Variants in UNC5D observed in about 807,000 individuals in gnomAD.
UNC5D encodes the protein unc-5 netrin receptor D.
Under a neutral mutation model 105.4 loss-of-function variants are expected in UNC5D, and 39 were observed. That is an observed-to-expected ratio of 0.37 (90% CI 0.29 to 0.48). The LOEUF (loss-of-function observed/expected upper bound fraction) is 0.48. Among genes scored for constraint, UNC5D ranks in the 20% least tolerant of loss-of-function variants. The pLI is 0.98. For missense variants in UNC5D, 991 were observed against 1,202.4 expected (o/e 0.82, Z 2.60); for synonymous variants, 452 against 450.4 (o/e 1.00, Z -0.04).
chr8:35,248,299 A>G (rs62651826), intron 1 of UNC5D, among the ~76,000 whole-genome samples: 1,966 of 43,768 alleles, frequency 0.045, 845 homozygotes, highest in Middle Eastern at 0.1. Context: ...TGTTATATAA[A>G]ATATATAATA....
At chr8:35,425,441 C>A (rs772170844) in intron 1 of UNC5D, among the ~76,000 whole-genome samples, 6 of 152,150 alleles carry the variant, frequency 3.9e-5, no homozygotes, top group Non-Finnish European at 8.8e-5. Context: ...GTGGTAAATG[C>A]TGATGTGTAA....
At chr8:35,687,574 A>T (rs1279301414) in intron 7 of UNC5D, among the ~76,000 whole-genome samples, 4 of 151,942 alleles carry the variant, frequency 2.6e-5, no homozygotes. Context: ...TCTTGGCTTT[A>T]TTCCTGAGAT....
intron 1 of UNC5D, among the ~76,000 whole-genome samples, chr8:35,271,378 T>C (rs13260394): frequency 7.5e-6 from 1 of 132,778 alleles, no homozygotes; most frequent in African/African-American, 2.8e-5. Flanking sequence ...CGTGTGTATG[T>C]ATATGTACAC....
In UNC5D at chr8:35,501,396, G is replaced by A. The variant is rs1414688861; in HGVS notation, c.104-47896G>A. 3.9e-5 allele frequency among the ~76,000 whole-genome samples: 6 copies of A among 152,186 alleles called. No homozygotes were observed. The South Asian group carries it at 6.2e-4, about 16-fold the overall frequency. On this transcript the variant is annotated intron_variant, in intron 1 of 16. Coordinates refer to ENST00000404895, the MANE Select transcript of UNC5D (RefSeq NM_080872.4). ...TTTCTATACTTGAAGGCATAAGGCC[G>A]GGGAAAGAAAGCTTTCAAATTCAGA...
chr8:35,400,021 G>C (rs186882115), intron 1 of UNC5D, among the ~76,000 whole-genome samples: 195 of 152,228 alleles, frequency 1.3e-3, no homozygotes, highest in Admixed American at 1.3e-3. Context: ...GAGTATTAAG[G>C]ATATGATGCC....
At chr8:35,656,533 C>T (rs529058283) in intron 4 of UNC5D, among the ~76,000 whole-genome samples, 6 of 152,328 alleles carry the variant, frequency 3.9e-5, no homozygotes, top group African/African-American at 1.4e-4. Flanking sequence ...ATTGAACATA[C>T]TATCTATCTT....
intron 1 of UNC5D, among the ~76,000 whole-genome samples, chr8:35,457,142 TA>T (rs1291667607): frequency 2.0e-5 from 3 of 152,232 alleles, no homozygotes; most frequent in African/African-American, 4.8e-5. Flanking sequence ...AAATAGCCTG[TA>T]AAATGACTGG....
chr8:35,761,952 G>A (rs1801557851), intron 14 of UNC5D, among the ~76,000 whole-genome samples: 1 of 152,160 alleles, frequency 6.6e-6, no homozygotes, highest in African/African-American at 2.4e-5. Context: ...AGGGCTTAGT[G>A]GTTAGGAACT....
chr8:35,578,247 A>G (rs962465932), intron 3 of UNC5D, among the ~76,000 whole-genome samples: 1 of 142,686 alleles, frequency 7.0e-6, no homozygotes, highest in Non-Finnish European at 1.5e-5. Context: ...AAAAAAAGAA[A>G]GAAAAAAGAA....
intron 1 of UNC5D, among the ~76,000 whole-genome samples, chr8:35,242,030 G>T (rs988616692): frequency 1.3e-5 from 2 of 152,142 alleles, no homozygotes; most frequent in Non-Finnish European, 2.9e-5. Context: ...TGTCTTCCAA[G>T]AGAGGTCAAT....
At chr8:35,510,310 C>CA (rs11317897) in intron 1 of UNC5D, among the ~76,000 whole-genome samples, 1,448 of 71,070 alleles carry the variant, frequency 0.02, 6 homozygotes, top group East Asian at 0.051. Context: ...TTTTTATATC[C>CA]AAAAAAAAAA....
intron 5 of UNC5D, 33 bp from the exon 6 acceptor site, chr8:35,684,549 T>A (rs1458552687): frequency 1.3e-6 from 2 of 1,598,504 alleles, no homozygotes; most frequent in African/African-American, 1.3e-5. Flanking sequence ...ACCTCTCTCC[T>A]TTTTTTCTCC....
intron 2 of UNC5D, among the ~76,000 whole-genome samples, chr8:35,551,673 C>A (rs1304514667): frequency 6.6e-6 from 1 of 151,894 alleles, no homozygotes; most frequent in Non-Finnish European, 1.5e-5. Context: ...CAAAAATTAG[C>A]CAGGGTTGGT....
chr8:35,781,848 A>G (rs1802515369), intron 16 of UNC5D, among the ~76,000 whole-genome samples: 1 of 152,234 alleles, frequency 6.6e-6, no homozygotes, highest in African/African-American at 2.4e-5. Flanking sequence ...CAGGGCTCTC[A>G]TACATTTCCA....
chr8:35,751,423 G>C (rs1830278309), intron 13 of UNC5D, among the ~76,000 whole-genome samples: 1 of 152,160 alleles, frequency 6.6e-6, no homozygotes, highest in South Asian at 2.1e-4. Flanking sequence ...TCCTACAAAG[G>C]CAATCTAGTC....
At chr8:35,500,655 G>A (rs1432830693) in intron 1 of UNC5D, among the ~76,000 whole-genome samples, 1 of 152,102 alleles carries the variant, frequency 6.6e-6, no homozygotes, top group Non-Finnish European at 1.5e-5. Context: ...AACCCACTGA[G>A]GTTTTTGACC....
At chr8:35,329,877 G>A (rs1239558236) in intron 1 of UNC5D, among the ~76,000 whole-genome samples, 1 of 152,036 alleles carries the variant, frequency 6.6e-6, no homozygotes, top group African/African-American at 2.4e-5. Context: ...GAGCAAGTAT[G>A]GGCAATGCTT....
At position 35,767,198 on chromosome 8, in the gene UNC5D, C is replaced by A. The variant is rs1291491431; in HGVS notation, c.2478+132C>A. The A allele has an allele frequency of 2.1e-5, 23 of 1,104,998 alleles. No homozygotes were observed. In the East Asian group the frequency reaches 5.0e-4, roughly 24 times the overall value. The allele number at this position is 1,104,998 out of a possible 1,614,324, so 68.4% of individuals were successfully genotyped here. ...ATGCACAAACTCTTCATCTTCATTA[C>A]TGATGAGGGAAAATAAGCTTTGTCG... On this transcript the variant is annotated intron_variant, in intron 15 of 16. Coordinates refer to ENST00000404895, the MANE Select transcript of UNC5D (RefSeq NM_080872.4).
intron 16 of UNC5D, among the ~76,000 whole-genome samples, chr8:35,788,796 T>C (rs924094381): frequency 6.6e-6 from 1 of 151,692 alleles, no homozygotes; most frequent in Non-Finnish European, 1.5e-5. Flanking sequence ...CATAAATCAT[T>C]CTGGGAAAAG....
Sources: allele counts gnomAD v4.1 joint callset (sites outside exome capture counted in the v4.1 genomes callset), GRCh38; gene constraint gnomAD v4.1.1; transcripts MANE v1.5; gene names NCBI Gene and HGNC (gene_info 2026-07-23, HGNC 2026-07-21).